The following ABCA9 variants were observed in gnomAD, a reference collection of about 807,000 sequenced individuals.
ABCA9 encodes ATP-binding cassette sub-family A member 9.
In ABCA9, 183 loss-of-function variants were observed where a neutral mutation model predicts 205.3. That is an observed-to-expected ratio of 0.89 (90% CI 0.79 to 1.01). The LOEUF is 1.01. Ranked by LOEUF, ABCA9 falls within the 50% of genes least tolerant of loss-of-function variation. ABCA9 has a pLI of 0.00. For missense variants in ABCA9, 1,805 were observed against 1,912.4 expected, an observed-to-expected ratio of 0.94 and a Z score of 1.05; for synonymous variants, 651 against 683.3, an observed-to-expected ratio of 0.95 and a Z score of 0.74.
chr17:69,021,787 C>T lies in ABCA9; in HGVS notation c.2356G>A (p.Glu786Lys). The change falls in exon 18 of 39, where the codon GAG becomes AAG. Residue 786 changes from glutamate (E) to lysine (K), a missense_variant. Glu to Lys is a moderately conservative substitution (Grantham distance 56, BLOSUM62 1). Coordinates refer to ENST00000340001, the MANE Select transcript of ABCA9 (RefSeq NM_080283.4). ...DYGVSITTLN[E>K]VFLKLEGKST... is the part of the protein sequence containing the mutation. Reference sequence around the variant, plus strand: ...TTTCCTTCTAATTTCAGAAACACCTCATTCAAAGTTGTTATGGAAACACCA... The same window carrying T: ...TTTCCTTCTAATTTCAGAAACACCTTATTCAAAGTTGTTATGGAAACACCA... 1 of 1,596,068 alleles carries T rather than the reference C, an allele frequency of 6.3e-7. No homozygotes were observed.
the ABCA9 span, among the ~76,000 whole-genome samples, chr17:69,074,726 G>GT: frequency 6.6e-6 from 1 of 150,476 alleles, no homozygotes; most frequent in South Asian, 2.1e-4. Context: ...ATGAGGTCAT[G>GT]TTTTTTTGGA....
At chr17:68,990,982 G>T in intron 28 of ABCA9, 25 bp from the exon 29 acceptor site, 5 of 1,585,820 alleles carry the variant, frequency 3.2e-6, no homozygotes, top group Non-Finnish European at 4.3e-6. Flanking sequence ...GTGTGATAAT[G>T]ATAAACTTCG....
chr17:69,040,752 A>G (rs2071506276), intron 6 of ABCA9, among the ~76,000 whole-genome samples: 1 of 152,160 alleles, frequency 6.6e-6, no homozygotes, highest in African/African-American at 2.4e-5. Context: ...CTAATTTGCA[A>G]ATTGTACAAA....
chr17:69,043,788 T>C, intron 5 of ABCA9, 73 bp from the exon 6 acceptor site: 1 of 1,242,874 alleles, frequency 8.0e-7, no homozygotes, highest in Non-Finnish European at 1.1e-6. Context: ...CTCTAAATTA[T>C]AAGGAATCAC....
At chr17:69,033,702 A>C (rs1439880879) in intron 9 of ABCA9, 24 bp downstream of exon 9, 1 of 1,559,378 alleles carries the variant, frequency 6.4e-7, no homozygotes, top group East Asian at 2.3e-5. Flanking sequence ...AATTGTGTTA[A>C]ATTACAGCCA....
chr17:69,078,763 C>T, the ABCA9 span: 10 of 378,214 alleles, frequency 2.6e-5, no homozygotes, highest in Non-Finnish European at 4.2e-5. Flanking sequence ...GGTGACTTTA[C>T]TAATATTTTG....
intron 30 of ABCA9, 124 bp from the exon 31 acceptor site, chr17:68,989,242 C>A: frequency 6.0e-6 from 2 of 335,160 alleles, no homozygotes; most frequent in East Asian, 4.5e-5. Flanking sequence ...TTCCCTTATT[C>A]CTCTCTCTCT....
At chr17:69,059,669 A>AT (rs11380738) in intron 1 of ABCA9, among the ~76,000 whole-genome samples, 72,944 of 143,792 alleles carry the variant, frequency 0.51, 19,525 homozygotes, top group African/African-American at 0.72. Context: ...GTTTGTGGTC[A>AT]TTTTTTTTTT....
chr17:69,077,402 T>C, the ABCA9 span, among the ~76,000 whole-genome samples: 1 of 152,192 alleles, frequency 6.6e-6, no homozygotes, highest in Non-Finnish European at 1.5e-5. Context: ...TTAAAATGTA[T>C]TGAGACTTGC....
In ABCA9 at chr17:68,983,860, C is replaced by G; in HGVS notation, c.4500-11G>C. 1 of 1,614,056 alleles carries G rather than the reference C, an allele frequency of 6.2e-7. No homozygotes were observed. Among genetic ancestry groups the G allele is most frequent in the Non-Finnish European group, 8.5e-7 (1 of 1,180,000 alleles). ...ATGGAACCAATACATCTGAAGGTAA[C>G]AGAAGGATAAAGTCAAGCAAGAAAA... On this transcript the variant is annotated splice_polypyrimidine_tract_variant and intron_variant, in intron 35 of 38. Coordinates refer to ENST00000340001, the MANE Select transcript of ABCA9 (RefSeq NM_080283.4).
At chr17:69,026,062 A>G (rs1356485129) in intron 16 of ABCA9, among the ~76,000 whole-genome samples, 1 of 152,156 alleles carries the variant, frequency 6.6e-6, no homozygotes, top group Admixed American at 6.6e-5. Context: ...CAAGATGAAC[A>G]AAAATAAAAC....
At chr17:69,071,907 T>C in the ABCA9 span, among the ~76,000 whole-genome samples, 1 of 152,140 alleles carries the variant, frequency 6.6e-6, no homozygotes, top group African/African-American at 2.4e-5. Context: ...ATAAATGACC[T>C]GATGAAGCTG....
intron 37 of ABCA9, among the ~76,000 whole-genome samples, chr17:68,978,545 G>A (rs1309444678): frequency 2.6e-5 from 4 of 152,150 alleles, no homozygotes; most frequent in Non-Finnish European, 5.9e-5. Flanking sequence ...GTTAGTTGAT[G>A]CAGTTTCTTC....
chr17:68,976,948 T>C (rs183847189), intron 37 of ABCA9, among the ~76,000 whole-genome samples: 28 of 152,314 alleles, frequency 1.8e-4, no homozygotes, highest in Admixed American at 8.5e-4. Flanking sequence ...AGGCAAATAT[T>C]TCTTTTGGAC....
At chr17:69,040,090 G>C (rs2071483229) in intron 6 of ABCA9, among the ~76,000 whole-genome samples, 1 of 152,132 alleles carries the variant, frequency 6.6e-6, no homozygotes. Context: ...AAATAGGAAT[G>C]CTTTTATATT....
chr17:69,075,550 A>T, the ABCA9 span, among the ~76,000 whole-genome samples: 2 of 152,010 alleles, frequency 1.3e-5, no homozygotes, highest in South Asian at 4.2e-4. Flanking sequence ...ACAGATGGCT[A>T]TTGGTGTGTG....
At chr17:68,989,437 G>A (rs145896356) in intron 30 of ABCA9, among the ~76,000 whole-genome samples, 186 of 152,242 alleles carry the variant, frequency 1.2e-3, no homozygotes, top group African/African-American at 2.8e-3. Flanking sequence ...CCTGTTGTAC[G>A]AACCCCCCAC....
At chr17:69,009,857 C>T (rs1014601554) in intron 23 of ABCA9, among the ~76,000 whole-genome samples, 4 of 152,148 alleles carry the variant, frequency 2.6e-5, no homozygotes, top group Non-Finnish European at 4.4e-5. Context: ...AAGACATTGA[C>T]ATCGTGGGGT....
At position 69,045,330 on chromosome 17, in the gene ABCA9, G is replaced by C. The variant is rs756977011; in HGVS notation, c.311C>G (p.Thr104Arg). The C allele has an allele frequency of 2.5e-6, 4 of 1,607,222 alleles. No individual in the cohort carries two copies. The South Asian group carries it at 4.5e-5, about 18-fold the overall frequency. Residue 104 changes from threonine (T) to arginine (R), a missense_variant, in exon 4 of 39, where the codon ACA becomes AGA. Physicochemically the swap from Thr to Arg is moderately conservative, Grantham distance 71 (BLOSUM62 -1). Coordinates refer to ENST00000340001, the MANE Select transcript of ABCA9 (RefSeq NM_080283.4). ...TTTTTCATCAGGCCACCCCATGATT[G>C]TTCTTCCTGCCATGTGAAGAAAACA... ...VASAPFLKGR[T>R]IMGWPDEKSM...
Sources: gnomAD v4.1 joint callset for allele counts (sites outside exome capture counted in the v4.1 genomes callset) on GRCh38, gnomAD v4.1.1 for gene constraint, MANE v1.5 for transcripts, NCBI Gene and HGNC (gene_info 2026-07-23, HGNC 2026-07-21) for gene names.